Variants in TANC2 observed in about 807,000 individuals in gnomAD.
TANC2 encodes tetratricopeptide repeat, ankyrin repeat and coiled-coil containing 2, also known as protein TANC2.
Under a neutral mutation model 210.5 loss-of-function variants are expected in TANC2, and 26 were observed. The ratio of observed to expected loss-of-function variants is 0.12; its 90% CI spans 0.09 to 0.17. The LOEUF (loss-of-function observed/expected upper bound fraction) is 0.17. TANC2 is among the 10% of genes least tolerant of loss of function. The probability of loss-of-function intolerance (pLI) is 1.00; values close to 1 mark genes in which losing one functional copy is unlikely to be tolerated. For missense variants in TANC2, 2,129 were observed against 2,608.9 expected, an observed-to-expected ratio of 0.82 and a Z score of 4.01; for synonymous variants, 931 against 967.1, an observed-to-expected ratio of 0.96 and a Z score of 0.69.
intron 11 of TANC2, chr17:63,332,530 C>T (rs2045892009): frequency 7.8e-6 from 3 of 384,696 alleles, no homozygotes; most frequent in South Asian, 6.7e-5. Context: ...TTAGAAATGC[C>T]AGCAGCCATT....
chr17:63,032,450 C>T (rs144175879), intron 2 of TANC2, among the ~76,000 whole-genome samples: 109 of 152,006 alleles, frequency 7.2e-4, no homozygotes, highest in Middle Eastern at 3.4e-3. Flanking sequence ...CAGAAAGGGG[C>T]GTATGTGACT....
intron 3 of TANC2, among the ~76,000 whole-genome samples, chr17:63,091,058 TG>T (rs1226337563): frequency 6.6e-6 from 1 of 151,150 alleles, no homozygotes; most frequent in Non-Finnish European, 1.5e-5. Context: ...TGGGGTTGTT[TG>T]TTTTTTTTTT....
intron 2 of TANC2, among the ~76,000 whole-genome samples, chr17:63,036,031 T>G (rs1229515182): frequency 1.3e-5 from 2 of 152,176 alleles, no homozygotes; most frequent in Non-Finnish European, 2.9e-5. Context: ...CATTTTTTAT[T>G]TGGTTGTTTG....
chr17:63,005,275 G>T (rs75693377), intron 1 of TANC2: 1 of 152,060 alleles, frequency 6.6e-6, no homozygotes, highest in African/African-American at 2.4e-5. Flanking sequence ...TTTCTGGACT[G>T]TCTGTTCTAT....
exon 17 of TANC2, chr17:63,389,469 C>A: frequency 6.2e-7 from 1 of 1,613,822 alleles, no homozygotes; most frequent in African/African-American, 1.3e-5. Flanking sequence ...CTGAAAGTGG[C>A]CTGACTCCCC....
intron 8 of TANC2, among the ~76,000 whole-genome samples, chr17:63,267,000 C>T (rs2043550430): frequency 6.6e-6 from 1 of 152,040 alleles, no homozygotes; most frequent in African/African-American, 2.4e-5. Context: ...CAGGCGCACA[C>T]CACCACGCCT....
At chr17:63,188,122 A>G (rs1381431021) in intron 5 of TANC2, among the ~76,000 whole-genome samples, 1 of 152,106 alleles carries the variant, frequency 6.6e-6, no homozygotes, top group Non-Finnish European at 1.5e-5. Flanking sequence ...AATGTACCCA[A>G]AAAACCCCAA....
intron 7 of TANC2, among the ~76,000 whole-genome samples, chr17:63,207,054 C>G (rs1161991625): frequency 6.6e-6 from 1 of 151,826 alleles, no homozygotes; most frequent in Non-Finnish European, 1.5e-5. Flanking sequence ...CTATTCATAC[C>G]CTACCCTGAG....
intron 6 of TANC2, among the ~76,000 whole-genome samples, chr17:63,199,883 A>G (rs1273300945): frequency 6.6e-6 from 1 of 152,228 alleles, no homozygotes; most frequent in Non-Finnish European, 1.5e-5. Flanking sequence ...GAAGTTATTT[A>G]GGTTTGTATT....
At chr17:63,079,077 C>T (rs1435358567) in intron 3 of TANC2, among the ~76,000 whole-genome samples, 2 of 152,138 alleles carry the variant, frequency 1.3e-5, no homozygotes, top group Non-Finnish European at 2.9e-5. Context: ...AATTCCTCTT[C>T]CTCAGAGATT....
chr17:63,026,893 A>G (rs948691201), intron 2 of TANC2, among the ~76,000 whole-genome samples: 3 of 152,108 alleles, frequency 2.0e-5, no homozygotes, highest in African/African-American at 4.8e-5. Flanking sequence ...CTGATCATCT[A>G]CTTTCATAGG....
intron 17 of TANC2, among the ~76,000 whole-genome samples, chr17:63,394,098 T>C (rs767987108): frequency 9.2e-5 from 14 of 152,206 alleles, no homozygotes; most frequent in Non-Finnish European, 1.0e-4. Context: ...CTTTGATGTT[T>C]GCCTAACAGT....
At chr17:63,021,350 T>C (rs1395158094) in intron 2 of TANC2, among the ~76,000 whole-genome samples, 1 of 152,222 alleles carries the variant, frequency 6.6e-6, no homozygotes, top group African/African-American at 2.4e-5. Flanking sequence ...AGGTAGTACC[T>C]TTAAGAGATG....
At chr17:63,040,785 C>A (rs1352679366) in intron 2 of TANC2, among the ~76,000 whole-genome samples, 1 of 152,130 alleles carries the variant, frequency 6.6e-6, no homozygotes, top group African/African-American at 2.4e-5. Context: ...GTATTCTGAT[C>A]ATATAGCTAA....
intron 2 of TANC2, among the ~76,000 whole-genome samples, chr17:63,063,553 T>TA (rs1235172411): frequency 2.9e-5 from 3 of 102,334 alleles, no homozygotes; most frequent in South Asian, 2.8e-4. Flanking sequence ...TGTGTGTGTG[T>TA]GTGTGTGTGT....
intron 4 of TANC2, among the ~76,000 whole-genome samples, chr17:63,129,584 G>A (rs1953815327): frequency 6.6e-6 from 1 of 152,082 alleles, no homozygotes; most frequent in African/African-American, 2.4e-5. Flanking sequence ...AAAATTAGCT[G>A]GGTGTGGTGG....
intron 6 of TANC2, 72 bp downstream of exon 6, chr17:63,194,211 G>C: frequency 6.8e-7 from 1 of 1,468,232 alleles, no homozygotes; most frequent in Non-Finnish European, 9.2e-7. Flanking sequence ...AATCCCAATT[G>C]TTGAATGCCT....
chr17:63,353,850 C>G (rs552301004), intron 13 of TANC2, among the ~76,000 whole-genome samples: 1 of 152,116 alleles, frequency 6.6e-6, no homozygotes, highest in African/African-American at 2.4e-5. Flanking sequence ...AGAACTGGAA[C>G]TTTATTATCG....
chr17:62,989,923 G>A (rs563667796), intron 1 of TANC2, among the ~76,000 whole-genome samples: 12 of 151,582 alleles, frequency 7.9e-5, no homozygotes, highest in Admixed American at 2.6e-4. Flanking sequence ...GGTGCGCACC[G>A]CCACACCTGG....
Sources: allele counts gnomAD v4.1 joint callset (sites outside exome capture counted in the v4.1 genomes callset), GRCh38; gene constraint gnomAD v4.1.1; transcripts MANE v1.5; gene names NCBI Gene and HGNC (gene_info 2026-07-23, HGNC 2026-07-21).